The following ASIC2 variants were observed in gnomAD, a reference collection of about 807,000 sequenced individuals.
ASIC2 encodes acid sensing ion channel subunit 2.
A neutral mutation model predicts 57.3 loss-of-function variants in ASIC2; 25 were observed. The observed-to-expected ratio is 0.44, with a 90% CI of 0.32 to 0.61. The LOEUF (loss-of-function observed/expected upper bound fraction) is 0.61. ASIC2 is among the 20% of genes least tolerant of loss of function. The probability of loss-of-function intolerance (pLI) is 0.06; values close to 1 mark genes in which losing one functional copy is unlikely to be tolerated. For missense variants in ASIC2, 641 were observed against 738.1 expected (o/e 0.87, Z 1.52); for synonymous variants, 319 against 307.5 (o/e 1.04, Z -0.39).
chr17:33,291,581 C>T lies in ASIC2; in HGVS notation c.535G>A (p.Glu179Lys), dbSNP rs1451960177. Residue 179 changes from glutamate (E) to lysine (K), a missense_variant, in exon 1 of 10, where the codon GAG becomes AAG. By Grantham distance (56) the Glu-to-Lys change is moderately conservative. This residue lies in a region of ASIC2 where 382 missense variants were observed against 398.0 expected (regional missense o/e 0.96). Transcript: ENST00000225823. ...PLVSELLRGD[E>K]PRRQWFRKLA... ...TTGCGGAACCACTGGCGGCGCGGCTCGTCGCCCCGCAGCAGCTCGCTGACA... is the reference window on the plus strand; with the variant it reads ...TTGCGGAACCACTGGCGGCGCGGCTTGTCGCCCCGCAGCAGCTCGCTGACA... 30 of 1,608,706 alleles carry T rather than the reference C, an allele frequency of 1.9e-5. No individual in the cohort carries two copies. The highest frequency in any genetic ancestry group is 4.0e-5 in the African/African-American group (3 of 74,872).
intron 1 of ASIC2, among the ~76,000 whole-genome samples, chr17:33,346,226 CAAAAAAAAA>C (rs57042563): frequency 6.4e-4 from 37 of 57,788 alleles, no homozygotes; most frequent in African/African-American, 2.2e-3. Flanking sequence ...GATTCCCTCT[CAAAAAAAAA>C]AAAAAAAAAA....
chr17:33,123,721 T>C (rs1472084748), intron 1 of ASIC2, among the ~76,000 whole-genome samples: 2 of 152,210 alleles, frequency 1.3e-5, no homozygotes, highest in Non-Finnish European at 2.9e-5. Flanking sequence ...TCCTATCCCA[T>C]GGGCTTGGGT....
intron 1 of ASIC2, among the ~76,000 whole-genome samples, chr17:33,685,354 C>T (rs1313363757): frequency 6.6e-6 from 1 of 152,206 alleles, no homozygotes; most frequent in African/African-American, 2.4e-5. Context: ...CCATCCATCA[C>T]TGCTGCATGT....
intron 1 of ASIC2, among the ~76,000 whole-genome samples, chr17:34,137,651 A>G (rs8071866): frequency 0.24 from 37,023 of 152,052 alleles, 4,673 homozygotes; most frequent in South Asian, 0.36. Flanking sequence ...ATAATAGAAC[A>G]CTATAAATTG....
intron 1 of ASIC2, among the ~76,000 whole-genome samples, chr17:33,779,840 AG>A (rs1489494773): frequency 6.6e-6 from 1 of 152,126 alleles, no homozygotes; most frequent in Admixed American, 6.6e-5. Flanking sequence ...CCTATGTGGC[AG>A]GGACTCTTGC....
At chr17:34,138,043 A>G (rs1286997111) in intron 1 of ASIC2, among the ~76,000 whole-genome samples, 1 of 152,182 alleles carries the variant, frequency 6.6e-6, no homozygotes, top group Non-Finnish European at 1.5e-5. Context: ...CTAATTATCC[A>G]GGGAAATGCA....
chr17:33,969,269 T>A (rs73276653), intron 1 of ASIC2, among the ~76,000 whole-genome samples: 3,413 of 152,302 alleles, frequency 0.022, 86 homozygotes, highest in African/African-American at 0.059. Flanking sequence ...CTTCTCTATA[T>A]GAGTATGAAA....
chr17:33,442,636 G>C (rs1400655543), intron 1 of ASIC2, among the ~76,000 whole-genome samples: 1 of 151,804 alleles, frequency 6.6e-6, no homozygotes, highest in Admixed American at 6.5e-5. Flanking sequence ...TGCTAAATTT[G>C]TTCACTAGTT....
rs902978303 is a variant in ASIC2, at chr17:33,148,115, G to C, written c.709-36048C>G. ...AAGTAATAATAACAACGCCTTGTCA[G>C]TATATAATAGGAGCACAGTTAGCAA... On this transcript the variant is annotated intron_variant, in intron 1 of 9. Transcript: ENST00000225823. 1.3e-5 allele frequency among the ~76,000 whole-genome samples: 2 copies of C among 152,198 alleles called. 1 individual carries two copies. Among genetic ancestry groups the C allele is most frequent in the Non-Finnish European group, 2.9e-5 (2 of 68,028 alleles).
At chr17:33,215,640 T>G (rs1488423850) in intron 1 of ASIC2, among the ~76,000 whole-genome samples, 1 of 152,076 alleles carries the variant, frequency 6.6e-6, no homozygotes, top group African/African-American at 2.4e-5. Flanking sequence ...TGGTTAGGTT[T>G]TGTTTCTGGA....
chr17:33,932,642 GGCGGAGGTTGCAGTGAGCC>G (rs1915954454), intron 1 of ASIC2: 47 of 145,226 alleles, frequency 3.2e-4, no homozygotes, highest in Admixed American at 1.2e-3. Context: ...GAATCCAGGA[GGCGGAGGTTGCAGTGAGCC>G]AAGATCATAC....
chr17:33,180,165 T>C (rs138264474), intron 1 of ASIC2, among the ~76,000 whole-genome samples: 177 of 152,306 alleles, frequency 1.2e-3, no homozygotes, highest in African/African-American at 4.0e-3. Flanking sequence ...TCTTAACTCA[T>C]TGAAAACAGG....
At chr17:34,085,541 T>C (rs930103159) in intron 1 of ASIC2, among the ~76,000 whole-genome samples, 5 of 152,252 alleles carry the variant, frequency 3.3e-5, no homozygotes, top group African/African-American at 1.2e-4. Flanking sequence ...ATCAGGATGA[T>C]GCTGGCCTCA....
Position 34,039,824 on chromosome 17 carries a change from C to A in ASIC2, c.555+116154G>T. ...ACACCTACTCCAGTAAACCTGGCCTCCAATAATTTCTGCCGTCGTGGGTCC... is the reference window on the plus strand; with the variant it reads ...ACACCTACTCCAGTAAACCTGGCCTACAATAATTTCTGCCGTCGTGGGTCC... On this transcript the variant is annotated intron_variant, in intron 1 of 9. Coordinates refer to the ASIC2 transcript ENST00000359872. 5.6e-6 allele frequency: 9 copies of A among 1,608,658 alleles called. No individual in the cohort carries two copies. The East Asian group carries it at 1.8e-4, about 32-fold the overall frequency.
intron 1 of ASIC2, among the ~76,000 whole-genome samples, chr17:33,799,868 G>A (rs935807074): frequency 6.6e-6 from 1 of 152,118 alleles, no homozygotes; most frequent in Non-Finnish European, 1.5e-5. Flanking sequence ...AACCTGCACG[G>A]CCAACCACTG....
At chr17:33,187,708 T>C (rs1325605327) in intron 1 of ASIC2, among the ~76,000 whole-genome samples, 1 of 151,938 alleles carries the variant, frequency 6.6e-6, no homozygotes, top group African/African-American at 2.4e-5. Context: ...AAAACTTCAT[T>C]TACAAAAACA....
chr17:33,037,026 G>A (rs934598033), intron 3 of ASIC2, among the ~76,000 whole-genome samples: 2 of 149,542 alleles, frequency 1.3e-5, no homozygotes, highest in African/African-American at 4.9e-5. Context: ...ACTAGGTGAT[G>A]TAATAACATG....
rs114522822 is a variant in ASIC2, at chr17:34,041,623, C to G, written c.555+114355G>C. Among the ~76,000 whole-genome samples the G allele has an allele frequency of 3.3e-3, 506 of 152,314 alleles. 2 individuals are homozygous for G. Among genetic ancestry groups the G allele is most frequent in the African/African-American group, 0.011 (474 of 41,570 alleles). ...GGTGTCAGAGAAGTAAATACTATAA[C>G]AAATGTAGAAATACATAGCACACAC... On this transcript the variant is annotated intron_variant, in intron 1 of 9. Coordinates refer to the ASIC2 transcript ENST00000359872.
chr17:33,872,816 A>C (rs1597910871), intron 1 of ASIC2, among the ~76,000 whole-genome samples: 1 of 152,120 alleles, frequency 6.6e-6, no homozygotes, highest in Admixed American at 6.5e-5. Flanking sequence ...CCACTATACA[A>C]CCTTCCTGGG....
Sources: gnomAD v4.1 joint callset for allele counts (sites outside exome capture counted in the v4.1 genomes callset) on GRCh38, gnomAD v4.1.1 for gene constraint, gnomAD v4.1.1 regional missense constraint, MANE v1.5 for transcripts, NCBI Gene and HGNC (gene_info 2026-07-23, HGNC 2026-07-21) for gene names.